Variants in ENOX1 observed in about 807,000 individuals in gnomAD.
ENOX1 encodes the protein candidate growth-related and time keeping constitutive hydroquinone (NADH) oxidase.
ENOX1 carries 42 observed loss-of-function variants against 82.5 expected under a neutral mutation model. That is an observed-to-expected ratio of 0.51 (90% CI 0.40 to 0.66). The LOEUF is 0.66. Ranked by LOEUF, ENOX1 falls within the 30% of genes least tolerant of loss-of-function variation. ENOX1 has a pLI of 0.00. For missense variants in ENOX1, 608 were observed against 811.6 expected (o/e 0.75, Z 3.05); for synonymous variants, 271 against 282.2 (o/e 0.96, Z 0.40).
intron 10 of ENOX1, 51 bp from the exon 11 acceptor site, chr13:43,322,552 C>T (rs762584998): frequency 6.2e-6 from 9 of 1,461,898 alleles, no homozygotes; most frequent in East Asian, 2.3e-5. Context: ...ATATGGCTTT[C>T]CCCAATGGTC....
chr13:43,215,918 C>T (rs1035566385), intron 16 of ENOX1, among the ~76,000 whole-genome samples: 5 of 152,294 alleles, frequency 3.3e-5, no homozygotes, highest in South Asian at 2.1e-4. Flanking sequence ...GGACTTAGGC[C>T]GGGCGTTGTA....
intron 3 of ENOX1, among the ~76,000 whole-genome samples, chr13:43,436,496 A>T (rs1254802565): frequency 6.6e-6 from 1 of 152,224 alleles, no homozygotes; most frequent in Non-Finnish European, 1.5e-5. Context: ...GGGAGCTTTA[A>T]ATAAAGTCAT....
chr13:43,230,377 A>G (rs1012795676), intron 15 of ENOX1, among the ~76,000 whole-genome samples: 3 of 152,130 alleles, frequency 2.0e-5, no homozygotes, highest in Non-Finnish European at 2.9e-5. Context: ...TGCTTTGGAC[A>G]GGGGCAGGAA....
intron 2 of ENOX1, among the ~76,000 whole-genome samples, chr13:43,506,905 G>A (rs538110340): frequency 6.6e-6 from 1 of 151,572 alleles, no homozygotes; most frequent in South Asian, 2.1e-4. Context: ...GTTAATGGGT[G>A]CAGCACATCA....
intron 14 of ENOX1, among the ~76,000 whole-genome samples, chr13:43,250,168 T>C (rs1431970819): frequency 6.6e-6 from 1 of 152,196 alleles, no homozygotes; most frequent in Non-Finnish European, 1.5e-5. Flanking sequence ...ACCTGGAAGT[T>C]AGTGGCATCA....
chr13:43,467,428 T>C (rs911499630), intron 3 of ENOX1, among the ~76,000 whole-genome samples: 2 of 152,206 alleles, frequency 1.3e-5, no homozygotes. Context: ...TTGATTTACA[T>C]GTCTTAAGGG....
chr13:43,667,299 T>C (rs2085030122), intron 2 of ENOX1, 180 bp downstream of exon 2: 1 of 216,072 alleles, frequency 4.6e-6, no homozygotes, highest in Non-Finnish European at 7.9e-6. Flanking sequence ...ACAGGTACTT[T>C]GTAAATGCTC....
chr13:43,316,294 GGCACA>G (rs1197650211), intron 11 of ENOX1, among the ~76,000 whole-genome samples: 1 of 152,162 alleles, frequency 6.6e-6, no homozygotes, highest in African/African-American at 2.4e-5. Flanking sequence ...ACCGAGGTGT[GGCACA>G]GTTGAGTAGT....
chr13:43,751,386 T>C (rs1236506656), intron 1 of ENOX1, among the ~76,000 whole-genome samples: 2 of 152,234 alleles, frequency 1.3e-5, no homozygotes, highest in Non-Finnish European at 2.9e-5. Context: ...AATAATAGTT[T>C]AAACACAATA....
At chr13:43,614,945 A>C (rs1487344762) in intron 2 of ENOX1, among the ~76,000 whole-genome samples, 4 of 152,092 alleles carry the variant, frequency 2.6e-5, no homozygotes, top group African/African-American at 9.7e-5. Context: ...TTTTAACAAG[A>C]TCTCTTGGTG....
At chr13:43,626,836 T>A (rs936437070) in intron 2 of ENOX1, among the ~76,000 whole-genome samples, 1 of 151,934 alleles carries the variant, frequency 6.6e-6, no homozygotes, top group Non-Finnish European at 1.5e-5. Context: ...ATATTCTATA[T>A]CCTTACTGAT....
At chr13:43,374,059 C>CCCTTCCCTTCCCCTCCCTTG (rs2051433092) in intron 5 of ENOX1, among the ~76,000 whole-genome samples, 4 of 149,840 alleles carry the variant, frequency 2.7e-5, no homozygotes, top group African/African-American at 9.8e-5. Context: ...TTCATTTTCT[C>CCCTTCCCTTCCCCTCCCTTG]CCTTCCCTTC....
chr13:43,377,193 A>G (rs938638562), intron 5 of ENOX1, among the ~76,000 whole-genome samples: 3 of 152,162 alleles, frequency 2.0e-5, no homozygotes, highest in Non-Finnish European at 4.4e-5. Flanking sequence ...TGGATTAGTT[A>G]TTGTAGGATT....
intron 2 of ENOX1, among the ~76,000 whole-genome samples, chr13:43,490,263 A>G (rs1183521899): frequency 1.3e-5 from 2 of 152,168 alleles, no homozygotes; most frequent in African/African-American, 2.4e-5. Flanking sequence ...TTAATATTTT[A>G]GAAGCGCATA....
chr13:43,456,759 G>A (rs2057250791), intron 3 of ENOX1, among the ~76,000 whole-genome samples: 1 of 152,180 alleles, frequency 6.6e-6, no homozygotes, highest in African/African-American at 2.4e-5. Context: ...AATTGGTAGA[G>A]TCAGTGTGAG....
chr13:43,407,102 A>C (rs1006991654), intron 5 of ENOX1, among the ~76,000 whole-genome samples: 1 of 152,226 alleles, frequency 6.6e-6, no homozygotes, highest in Non-Finnish European at 1.5e-5. Flanking sequence ...TAAGTTATAC[A>C]GGAAGAGAGC....
intron 14 of ENOX1, among the ~76,000 whole-genome samples, chr13:43,258,962 G>C (rs1179986900): frequency 6.6e-6 from 1 of 152,202 alleles, no homozygotes; most frequent in African/African-American, 2.4e-5. Flanking sequence ...AAGGCATGAG[G>C]ACATGGAGTC....
intron 1 of ENOX1, among the ~76,000 whole-genome samples, chr13:43,680,509 C>G (rs2153797229): frequency 6.6e-6 from 1 of 152,244 alleles, no homozygotes; most frequent in East Asian, 1.9e-4. Context: ...GAAGATGCAG[C>G]AAGACTGAGT....
intron 1 of ENOX1, among the ~76,000 whole-genome samples, chr13:43,678,277 C>T (rs555940144): frequency 1.8e-4 from 27 of 152,120 alleles, no homozygotes; most frequent in African/African-American, 5.1e-4. Context: ...CAAAAAAATT[C>T]CTCAAATATA....
Sources: gnomAD v4.1 joint callset for allele counts (sites outside exome capture counted in the v4.1 genomes callset) on GRCh38, gnomAD v4.1.1 for gene constraint, MANE v1.5 for transcripts, NCBI Gene and HGNC (gene_info 2026-07-23, HGNC 2026-07-21) for gene names.